The following PSD3 variants were observed in gnomAD, a reference collection of about 807,000 sequenced individuals.
PSD3 encodes the protein pleckstrin and Sec7 domain containing 3, also known as PH and SEC7 domain-containing protein 3.
Under a neutral mutation model 105.5 loss-of-function variants are expected in PSD3, and 49 were observed. The observed-to-expected ratio is 0.46, with a 90% CI of 0.37 to 0.59. The LOEUF (loss-of-function observed/expected upper bound fraction) is 0.59, where lower values mean the gene tolerates loss of function less well. Ranked by LOEUF, PSD3 falls within the 20% of genes least tolerant of loss-of-function variation. PSD3 has a pLI of 0.00. For missense variants in PSD3, 1,561 were observed against 1,263.8 expected (o/e 1.24, Z -3.57); for synonymous variants, 557 against 457.8 (o/e 1.22, Z -2.77).
At chr8:18,619,437 G>C (rs1585408288) in intron 11 of PSD3, among the ~76,000 whole-genome samples, 1 of 152,234 alleles carries the variant, frequency 6.6e-6, no homozygotes, top group East Asian at 1.9e-4. Context: ...CTGAGATAAG[G>C]AGTTTGAGAC....
chr8:18,781,007 T>A (rs1808572378), intron 8 of PSD3, among the ~76,000 whole-genome samples: 1 of 152,198 alleles, frequency 6.6e-6, no homozygotes, highest in Non-Finnish European at 1.5e-5. Context: ...CTCCTTCATT[T>A]TTTATATCTT....
chr8:18,695,578 T>C (rs901114485), intron 9 of PSD3, among the ~76,000 whole-genome samples: 1 of 152,082 alleles, frequency 6.6e-6, no homozygotes, highest in Admixed American at 6.5e-5. Context: ...ACACAAGATA[T>C]TAGAAATAAT....
At chr8:18,744,760 C>T (rs529653807) in intron 9 of PSD3, among the ~76,000 whole-genome samples, 1 of 152,294 alleles carries the variant, frequency 6.6e-6, no homozygotes, top group South Asian at 2.1e-4. Context: ...GAACTATACA[C>T]CTTATTCAAA....
chr8:18,636,681 T>A (rs952092117), intron 10 of PSD3, among the ~76,000 whole-genome samples: 3 of 152,232 alleles, frequency 2.0e-5, no homozygotes, highest in Admixed American at 6.5e-5. Flanking sequence ...TAATGCCATA[T>A]TTGTTGCTGT....
At chr8:18,926,415 A>G (rs1036110161) in intron 2 of PSD3, among the ~76,000 whole-genome samples, 3 of 151,992 alleles carry the variant, frequency 2.0e-5, no homozygotes, top group Non-Finnish European at 2.9e-5. Context: ...ATATGAAAAT[A>G]TTCCAAAATT....
At chr8:19,006,878 C>T (rs186028702) in intron 1 of PSD3, among the ~76,000 whole-genome samples, 1 of 152,022 alleles carries the variant, frequency 6.6e-6, no homozygotes, top group Non-Finnish European at 1.5e-5. Flanking sequence ...TATAGCACTG[C>T]CCACCTGATT....
intron 9 of PSD3, among the ~76,000 whole-genome samples, chr8:18,693,094 G>A (rs1323396172): frequency 6.6e-6 from 1 of 152,144 alleles, no homozygotes; most frequent in Non-Finnish European, 1.5e-5. Flanking sequence ...CTTCTCAAAT[G>A]GAGCAGAACA....
intron 14 of PSD3, 22 bp from the exon 15 acceptor site, chr8:18,556,374 T>C: frequency 6.3e-7 from 1 of 1,590,430 alleles, no homozygotes; most frequent in Non-Finnish European, 8.5e-7. Context: ...CATGATGCCA[T>C]TTAGCGTTCA....
rs1003191454 is a variant in PSD3, at chr8:18,872,205, A to G, written c.659T>C (p.Leu220Pro). ...YLSIQKDLTA[L>P]LTGDTQAEIS... ...CTCTGCCTGAGTGTCTCCAGTTAAC[A>G]GCGCGGTGAGATCTTTCTGGATGCT... Residue 220 changes from leucine (L) to proline (P), a missense_variant, in exon 3 of 16, where the codon CTG becomes CCG. Transcript: ENST00000327040. The G allele has an allele frequency of 6.2e-7, 1 of 1,614,170 alleles. No homozygotes were observed. The highest frequency in any genetic ancestry group is 2.2e-5 in the East Asian group (1 of 44,874).
intron 1 of PSD3, among the ~76,000 whole-genome samples, chr8:18,970,981 GAA>G (rs1007826299): frequency 2.9e-5 from 4 of 137,214 alleles, no homozygotes; most frequent in African/African-American, 8.2e-5. Flanking sequence ...TCTGTCTCAA[GAA>G]AAAAAAAAAA....
rs115971023 is a variant in PSD3, at chr8:19,049,453, G to A, written c.324+34753C>T. Among the ~76,000 whole-genome samples the A allele has an allele frequency of 2.5e-3, 379 of 152,218 alleles. 1 individual carries two copies. The highest frequency in any genetic ancestry group is 8.9e-3 in the African/African-American group (371 of 41,536). On this transcript the variant is annotated intron_variant, in intron 1 of 1. Transcript: ENST00000521475. Reference sequence around the variant, plus strand: ...ACCTGCAATCTCAGTGCTCTGGGAGGCCACGGCAGGAGAAATGCTTGAGGC... The same window carrying A: ...ACCTGCAATCTCAGTGCTCTGGGAGACCACGGCAGGAGAAATGCTTGAGGC...
chr8:18,905,086 G>T (rs1273775873), intron 2 of PSD3, among the ~76,000 whole-genome samples: 1 of 152,170 alleles, frequency 6.6e-6, no homozygotes, highest in Admixed American at 6.5e-5. Context: ...AGGCGAGAGT[G>T]TTTTAAGTAG....
At chr8:18,601,041 T>C (rs1248247645) in intron 11 of PSD3, among the ~76,000 whole-genome samples, 1 of 152,232 alleles carries the variant, frequency 6.6e-6, no homozygotes, top group Non-Finnish European at 1.5e-5. Context: ...CACTAGACTA[T>C]GTATGACTTG....
rs114133137 is a variant in PSD3 at position 18,818,129 on chromosome 8, A to G, written c.1635-13231T>C. Among the ~76,000 whole-genome samples, 1,088 of 151,874 alleles carry G rather than the reference A, an allele frequency of 7.2e-3. 10 individuals are homozygous for G. Among genetic ancestry groups the G allele is most frequent in the African/African-American group, 0.025 (1,022 of 41,382 alleles). On this transcript the variant is annotated intron_variant, in intron 4 of 15. Coordinates refer to ENST00000327040, the MANE Select transcript of PSD3 (RefSeq NM_015310.4). Reference sequence around the variant, plus strand: ...CCACTACGCTTGGCTAATTTTTTTCATTTTTAGTAGAGAAGGGGTTTTGCC... The same window carrying G: ...CCACTACGCTTGGCTAATTTTTTTCGTTTTTAGTAGAGAAGGGGTTTTGCC...
chr8:18,986,574 A>G (rs1197351050), intron 1 of PSD3, among the ~76,000 whole-genome samples: 4 of 151,938 alleles, frequency 2.6e-5, no homozygotes, highest in African/African-American at 9.7e-5. Flanking sequence ...AAAAAAAAAA[A>G]GTTCAATGTT....
In PSD3 at chr8:18,737,141, T is replaced by C. The variant is rs1432496319; in HGVS notation, c.2172+28308A>G. Reference sequence around the variant, plus strand: ...AATTAAAATCAGAACTTTCTGGGGATAGAGGCTGTGCACTATTTTGCTGGT... The same window carrying C: ...AATTAAAATCAGAACTTTCTGGGGACAGAGGCTGTGCACTATTTTGCTGGT... On this transcript the variant is annotated intron_variant, in intron 9 of 15. Transcript: ENST00000327040. 4.6e-5 allele frequency among the ~76,000 whole-genome samples: 7 copies of C among 152,240 alleles called. 1 individual carries two copies. Among genetic ancestry groups the C allele is most frequent in the Non-Finnish European group, 8.8e-5 (6 of 68,050 alleles).
chr8:18,743,401 T>A (rs1349140018), intron 9 of PSD3, among the ~76,000 whole-genome samples: 1 of 152,130 alleles, frequency 6.6e-6, no homozygotes, highest in African/African-American at 2.4e-5. Flanking sequence ...TTGTAAATGG[T>A]CCTCTTTAGA....
chr8:18,702,687 C>T (rs539469608), intron 9 of PSD3, among the ~76,000 whole-genome samples: 1 of 151,068 alleles, frequency 6.6e-6, no homozygotes, highest in Non-Finnish European at 1.5e-5. Flanking sequence ...ATCTCGGTTC[C>T]CTGCAAGCTC....
intron 9 of PSD3, among the ~76,000 whole-genome samples, chr8:18,680,614 C>T (rs1168591004): frequency 6.6e-6 from 1 of 152,118 alleles, no homozygotes; most frequent in Non-Finnish European, 1.5e-5. Context: ...TTATGTGCTT[C>T]AGAGGTTGAT....
Sources: gnomAD v4.1 joint callset for allele counts (sites outside exome capture counted in the v4.1 genomes callset) on GRCh38, gnomAD v4.1.1 for gene constraint, MANE v1.5 for transcripts, NCBI Gene and HGNC (gene_info 2026-07-23, HGNC 2026-07-21) for gene names.